The following KIAA1217 variants were observed in gnomAD, a reference collection of about 807,000 sequenced individuals.
The protein encoded by KIAA1217 is KIAA1217.
KIAA1217 carries 88 observed loss-of-function variants against 163.9 expected under a neutral mutation model. The ratio of observed to expected loss-of-function variants is 0.54; its 90% confidence interval spans 0.45 to 0.64. The LOEUF (loss-of-function observed/expected upper bound fraction) is 0.64, where lower values mean the gene tolerates loss of function less well. KIAA1217 is among the 30% of genes least tolerant of loss of function. KIAA1217 has a pLI of 0.00. For missense variants in KIAA1217, 2,372 were observed against 2,475.0 expected (o/e 0.96, Z 0.88); for synonymous variants, 903 against 923.1 (o/e 0.98, Z 0.39).
At chr10:23,988,275 T>C (rs1174869170) in intron 1 of KIAA1217, among the ~76,000 whole-genome samples, 4 of 152,218 alleles carry the variant, frequency 2.6e-5, no homozygotes, top group African/African-American at 4.8e-5. Context: ...AGCAGGCGTC[T>C]GGGCTTTAGC....
At chr10:24,172,466 C>A (rs142832740) in intron 2 of KIAA1217, among the ~76,000 whole-genome samples, 8 of 152,300 alleles carry the variant, frequency 5.3e-5, no homozygotes, top group African/African-American at 1.9e-4. Context: ...GGGTTCGGGT[C>A]TTGACCGCAG....
At chr10:24,420,370 A>G (rs564836371) in intron 3 of KIAA1217, among the ~76,000 whole-genome samples, 1 of 151,472 alleles carries the variant, frequency 6.6e-6, no homozygotes, top group Admixed American at 6.6e-5. Context: ...ATTATTGTCT[A>G]TTTTCTTATT....
intron 2 of KIAA1217, among the ~76,000 whole-genome samples, chr10:24,240,694 CA>C (rs2072966206): frequency 6.6e-6 from 1 of 152,154 alleles, no homozygotes; most frequent in Admixed American, 6.5e-5. Flanking sequence ...GATTAAATAA[CA>C]AAACAGACGT....
chr10:23,886,093 G>A (rs529990787), intron 1 of KIAA1217, among the ~76,000 whole-genome samples: 6 of 151,832 alleles, frequency 4.0e-5, no homozygotes, highest in Non-Finnish European at 5.9e-5. Context: ...CTTCAGTGCC[G>A]AGGGTGGCTG....
At chr10:23,949,863 C>G (rs1039164359) in intron 1 of KIAA1217, among the ~76,000 whole-genome samples, 1 of 152,168 alleles carries the variant, frequency 6.6e-6, no homozygotes, top group Non-Finnish European at 1.5e-5. Context: ...ATACGGTGAA[C>G]TGGCATTAAA....
intron 1 of KIAA1217, among the ~76,000 whole-genome samples, chr10:23,739,432 C>G (rs1219824304): frequency 2.0e-5 from 3 of 152,044 alleles, no homozygotes; most frequent in Non-Finnish European, 2.9e-5. Flanking sequence ...ACAGAGCATT[C>G]CAGGTGGAAG....
intron 2 of KIAA1217, among the ~76,000 whole-genome samples, chr10:24,171,527 G>T (rs1256939226): frequency 6.6e-6 from 1 of 152,204 alleles, no homozygotes; most frequent in Non-Finnish European, 1.5e-5. Flanking sequence ...ATGATCGGCT[G>T]GGCACGGTGG....
chr10:24,520,136 T>C lies in KIAA1217; in HGVS notation c.2191T>C (p.Phe731Leu). Residue 731 changes from phenylalanine to leucine, a missense_variant, in exon 11 of 21, where the codon TTT (phenylalanine) becomes CTT (leucine). This residue lies in a region of KIAA1217 where 1,431 missense variants were observed against 1,470.3 expected (regional missense o/e 0.97). Coordinates refer to ENST00000376454, the MANE Select transcript of KIAA1217 (RefSeq NM_019590.5). Reference sequence around the variant, plus strand: ...TTGCTCCCGCAGCGAGTTGGAAGACTTTGTTGAAGACTTGAAGAAGGACTC... The same window carrying C: ...TTGCTCCCGCAGCGAGTTGGAAGACCTTGTTGAAGACTTGAAGAAGGACTC... ...IVKKLCELED[F>L]VEDLKKDSTA... 6.2e-7 allele frequency: 1 copy of C among 1,613,976 alleles called. No individual in the cohort carries two copies. Among genetic ancestry groups the C allele is most frequent in the Admixed American group, 1.7e-5 (1 of 60,002 alleles).
chr10:24,524,621 G>A lies in KIAA1217; in HGVS notation c.2755G>A (p.Val919Ile), dbSNP rs151027148. The A allele has an allele frequency of 2.6e-4, 414 of 1,614,010 alleles. 1 individual carries two copies. The East Asian group carries it at 6.0e-3, about 24-fold the overall frequency. The change falls in exon 13 of 21, where the codon GTC (valine) becomes ATC (isoleucine). Residue 919 changes from valine (V) to isoleucine (I), a missense_variant. Physicochemically the swap from Val to Ile is conservative, Grantham distance 29 (BLOSUM62 3). Around this residue, in one of 3 missense-constraint regions of KIAA1217, gnomAD observed 1,431 missense variants for 1,470.3 expected, o/e 0.97. Transcript: ENST00000376454. Reference sequence around the variant, plus strand: ...GCCTCACGTGGCCAGCTCCCCAGCCGTCCCCCAGGAAGCAACCTCCACTCT... The same window carrying A: ...GCCTCACGTGGCCAGCTCCCCAGCCATCCCCCAGGAAGCAACCTCCACTCT... ...NLPHVASSPA[V>I]PQEATSTLQM...
chr10:24,215,982 G>T (rs1039490873), intron 1 of KIAA1217, among the ~76,000 whole-genome samples: 1 of 152,208 alleles, frequency 6.6e-6, no homozygotes, highest in Non-Finnish European at 1.5e-5. Flanking sequence ...AGTGGTTGAT[G>T]CTTTTTGTAC....
chr10:23,911,351 T>C (rs571795175), intron 1 of KIAA1217, among the ~76,000 whole-genome samples: 7 of 152,170 alleles, frequency 4.6e-5, no homozygotes, highest in Non-Finnish European at 1.0e-4. Flanking sequence ...ACCTCACTTC[T>C]CCACATATAC....
At chr10:23,898,608 C>T (rs1160072183) in intron 1 of KIAA1217, among the ~76,000 whole-genome samples, 15 of 152,022 alleles carry the variant, frequency 9.9e-5, no homozygotes, top group Non-Finnish European at 1.3e-4. Flanking sequence ...TCAAAATGCA[C>T]ATAAAATTTA....
At chr10:24,366,129 A>T (rs150238540) in intron 2 of KIAA1217, among the ~76,000 whole-genome samples, 1 of 152,312 alleles carries the variant, frequency 6.6e-6, no homozygotes, top group Admixed American at 6.5e-5. Context: ...TTTCACTGCC[A>T]TGTTTTTTTA....
At chr10:24,069,516 G>A (rs1400697641) in intron 2 of KIAA1217, among the ~76,000 whole-genome samples, 1 of 152,156 alleles carries the variant, frequency 6.6e-6, no homozygotes, top group African/African-American at 2.4e-5. Context: ...AATATTGGAT[G>A]TGTGGTTCAA....
chr10:23,730,800 G>A (rs1316433488), intron 1 of KIAA1217, among the ~76,000 whole-genome samples: 1 of 151,970 alleles, frequency 6.6e-6, no homozygotes, highest in Non-Finnish European at 1.5e-5. Context: ...CTTGTTTATT[G>A]CTGGTATATA....
intron 1 of KIAA1217, among the ~76,000 whole-genome samples, chr10:23,700,460 T>G (rs1836367089): frequency 6.6e-6 from 1 of 151,972 alleles, no homozygotes; most frequent in Non-Finnish European, 1.5e-5. Context: ...ATAATGTGAC[T>G]CCTCTGCTTA....
At chr10:23,758,761 A>C (rs58429096) in intron 1 of KIAA1217, among the ~76,000 whole-genome samples, 7,668 of 140,136 alleles carry the variant, frequency 0.055, 646 homozygotes, top group African/African-American at 0.19. Flanking sequence ...ATCTTGGCTC[A>C]TTGCAACCTC....
At chr10:24,447,680 T>A (rs1300011576) in intron 5 of KIAA1217, among the ~76,000 whole-genome samples, 1 of 152,214 alleles carries the variant, frequency 6.6e-6, no homozygotes, top group African/African-American at 2.4e-5. Context: ...TTTCAGTTAA[T>A]TAGTGCCTTA....
intron 2 of KIAA1217, among the ~76,000 whole-genome samples, chr10:24,067,642 C>G (rs1039317302): frequency 6.6e-6 from 1 of 152,206 alleles, no homozygotes; most frequent in Non-Finnish European, 1.5e-5. Context: ...AAGCTGCATG[C>G]TGGGAGAACC....
Sources: allele counts gnomAD v4.1 joint callset (sites outside exome capture counted in the v4.1 genomes callset), GRCh38; gene constraint gnomAD v4.1.1; regional missense constraint gnomAD v4.1.1; transcripts MANE v1.5; gene names NCBI Gene and HGNC (gene_info 2026-07-23, HGNC 2026-07-21).